PIK3C2G: variants seen among roughly 807,000 people sequenced by gnomAD.
PIK3C2G encodes phosphatidylinositol-4-phosphate 3-kinase catalytic subunit type 2 gamma.
A neutral mutation model predicts 181.1 loss-of-function variants in PIK3C2G; 168 were observed. That is an observed-to-expected ratio of 0.93 (90% confidence interval 0.82 to 1.05). The LOEUF (loss-of-function observed/expected upper bound fraction) is 1.05. PIK3C2G is among the 50% of genes least tolerant of loss of function. PIK3C2G has a pLI of 0.00. For missense variants in PIK3C2G, 1,869 were observed against 1,732.8 expected (o/e 1.08, Z -1.40); for synonymous variants, 573 against 592.2 (o/e 0.97, Z 0.47).
At chr12:18,687,409 T>C in the PIK3C2G span, among the ~76,000 whole-genome samples, 1 of 152,162 alleles carries the variant, frequency 6.6e-6, no homozygotes, top group South Asian at 2.1e-4. Context: ...TCAGTTCCAA[T>C]GTCTCCTTCA....
intron 18 of PIK3C2G, among the ~76,000 whole-genome samples, chr12:18,461,926 C>CTCA (rs1257702678): frequency 2.6e-5 from 4 of 152,202 alleles, no homozygotes; most frequent in African/African-American, 9.7e-5. Context: ...CATTCCTTGG[C>CTCA]TCATGTCCTT....
intron 25 of PIK3C2G, among the ~76,000 whole-genome samples, chr12:18,544,549 G>A (rs184350561): frequency 1.3e-5 from 2 of 151,818 alleles, no homozygotes; most frequent in Non-Finnish European, 1.5e-5. Context: ...GACTGCTGAG[G>A]AGTGTTTTTA....
the PIK3C2G span, among the ~76,000 whole-genome samples, chr12:18,696,649 T>G: frequency 6.6e-6 from 1 of 152,000 alleles, no homozygotes; most frequent in Non-Finnish European, 1.5e-5. Flanking sequence ...TTTCCCTTAT[T>G]ATTTTTCCAC....
chr12:18,666,678 G>A, the PIK3C2G span, among the ~76,000 whole-genome samples: 2 of 152,108 alleles, frequency 1.3e-5, no homozygotes, highest in African/African-American at 2.4e-5. Context: ...CAGAGAAATA[G>A]AATACTTGAA....
At chr12:18,510,911 T>G (rs1942162883) in intron 24 of PIK3C2G, among the ~76,000 whole-genome samples, 1 of 152,164 alleles carries the variant, frequency 6.6e-6, no homozygotes, top group Non-Finnish European at 1.5e-5. Flanking sequence ...TGTAGTCAAC[T>G]GATGGACAAT....
chr12:18,380,799 C>T (rs534869418), intron 13 of PIK3C2G, among the ~76,000 whole-genome samples: 3 of 152,286 alleles, frequency 2.0e-5, no homozygotes, highest in Non-Finnish European at 2.9e-5. Flanking sequence ...CTTCAGAAAG[C>T]TAAAGGTCTA....
At chr12:18,277,762 C>T (rs1260951927) in intron 1 of PIK3C2G, among the ~76,000 whole-genome samples, 1 of 152,012 alleles carries the variant, frequency 6.6e-6, no homozygotes, top group Non-Finnish European at 1.5e-5. Context: ...ATATTTACAC[C>T]TTTATAGATT....
At chr12:18,473,483 C>T (rs1938652803) in intron 18 of PIK3C2G, among the ~76,000 whole-genome samples, 1 of 152,128 alleles carries the variant, frequency 6.6e-6, no homozygotes, top group African/African-American at 2.4e-5. Context: ...CCGGCTGGTG[C>T]TCATGTCTGC....
At chr12:18,725,518 A>G in the PIK3C2G span, among the ~76,000 whole-genome samples, 4 of 152,126 alleles carry the variant, frequency 2.6e-5, no homozygotes, top group Non-Finnish European at 5.9e-5. Context: ...ACAGATTAAC[A>G]GTATATATGC....
At chr12:18,687,011 C>T in the PIK3C2G span, among the ~76,000 whole-genome samples, 1 of 151,994 alleles carries the variant, frequency 6.6e-6, no homozygotes, top group African/African-American at 2.4e-5. Context: ...ATGGAGGGAA[C>T]AAGAGATAGA....
chr12:18,650,740 ATATATATATATATATATATATATAT>A (rs1950470977), downstream of PIK3C2G, among the ~76,000 whole-genome samples: 1 of 32,330 alleles, frequency 3.1e-5, no homozygotes, highest in African/African-American at 2.1e-4. Flanking sequence ...ATATATATAT[ATATATATATATATATATATATATAT>A]TCCAGTCCAT....
chr12:18,415,050 C>A (rs1243689106), intron 16 of PIK3C2G, among the ~76,000 whole-genome samples: 3 of 152,168 alleles, frequency 2.0e-5, no homozygotes, highest in Non-Finnish European at 4.4e-5. Context: ...TACAAATACA[C>A]AATTTTCCTT....
intron 30 of PIK3C2G, among the ~76,000 whole-genome samples, chr12:18,606,396 T>G (rs1002560537): frequency 6.6e-6 from 1 of 152,162 alleles, no homozygotes; most frequent in Non-Finnish European, 1.5e-5. Context: ...CCAAACATCT[T>G]TTTATTATGA....
At chr12:18,439,455 A>C (rs560091168) in intron 18 of PIK3C2G, among the ~76,000 whole-genome samples, 2 of 152,160 alleles carry the variant, frequency 1.3e-5, no homozygotes, top group African/African-American at 4.8e-5. Flanking sequence ...TATTAACCTT[A>C]TTACATTGAC....
At chr12:18,314,756 T>C (rs1019810931) in intron 6 of PIK3C2G, 2 of 152,226 alleles carry the variant, frequency 1.3e-5, no homozygotes, top group Non-Finnish European at 2.9e-5. Flanking sequence ...ATCGTATTTA[T>C]ACTTTTCACA....
At chr12:18,421,565 C>G (rs919013165) in intron 17 of PIK3C2G, among the ~76,000 whole-genome samples, 1 of 151,882 alleles carries the variant, frequency 6.6e-6, no homozygotes, top group Non-Finnish European at 1.5e-5. Context: ...TAAGCAAAGA[C>G]TGATTTAGTC....
At chr12:18,441,785 A>C (rs1273604120) in intron 18 of PIK3C2G, among the ~76,000 whole-genome samples, 1 of 152,174 alleles carries the variant, frequency 6.6e-6, no homozygotes, top group African/African-American at 2.4e-5. Context: ...AGCAGATGAC[A>C]AAAACAAGAT....
chr12:18,250,110 A>T (rs950256244), intron 1 of PIK3C2G, among the ~76,000 whole-genome samples: 6 of 152,216 alleles, frequency 3.9e-5, no homozygotes, highest in African/African-American at 1.2e-4. Flanking sequence ...CAAAATGTTA[A>T]GTTCACTAGT....
intron 5 of PIK3C2G, among the ~76,000 whole-genome samples, chr12:18,305,960 T>C (rs1300291492): frequency 1.3e-5 from 2 of 151,912 alleles, no homozygotes; most frequent in African/African-American, 4.8e-5. Context: ...ACTTTCTTAG[T>C]AACTTCATTT....
Sources: gnomAD v4.1 joint callset for allele counts (sites outside exome capture counted in the v4.1 genomes callset) on GRCh38, gnomAD v4.1.1 for gene constraint, MANE v1.5 for transcripts, NCBI Gene and HGNC (gene_info 2026-07-23, HGNC 2026-07-21) for gene names.